FH: variants seen among roughly 807,000 people sequenced by gnomAD.
FH encodes fumarate hydratase.
A neutral mutation model predicts 49.4 loss-of-function variants in FH; 22 were observed. That is an observed-to-expected ratio of 0.45 (90% confidence interval 0.32 to 0.64). The LOEUF (loss-of-function observed/expected upper bound fraction) is 0.64, where lower values mean the gene tolerates loss of function less well. Ranked by LOEUF, FH falls within the 30% of genes least tolerant of loss-of-function variation. FH has a pLI of 0.05. For synonymous variants in FH, 208 were observed against 223.0 expected, an observed-to-expected ratio of 0.93 and a Z score of 0.60; for missense variants, 526 against 641.5, an observed-to-expected ratio of 0.82 and a Z score of 1.95.
chr1:241,510,310 C>G (rs145876604), intron 4 of FH, among the ~76,000 whole-genome samples: 7 of 152,224 alleles, frequency 4.6e-5, no homozygotes, highest in Non-Finnish European at 7.4e-5. Flanking sequence ...CTTAAAGTAC[C>G]AGGAAGTCGG....
chr1:241,515,716 T>C (rs1015424582), intron 2 of FH, among the ~76,000 whole-genome samples: 12 of 152,240 alleles, frequency 7.9e-5, no homozygotes, highest in Admixed American at 2.0e-4. Flanking sequence ...CTATCCTGCA[T>C]TGACTATTTT....
At chr1:241,507,490 G>C (rs190358472) in intron 5 of FH, among the ~76,000 whole-genome samples, 2 of 152,026 alleles carry the variant, frequency 1.3e-5, no homozygotes, top group African/African-American at 4.8e-5. Flanking sequence ...AGGGAACAAT[G>C]CACGAACTCA....
chr1:241,518,823 C>G (rs984065897), intron 1 of FH, among the ~76,000 whole-genome samples: 6 of 152,190 alleles, frequency 3.9e-5, no homozygotes, highest in Non-Finnish European at 7.3e-5. Flanking sequence ...AGCAAAATGA[C>G]TTACGTAAGC....
chr1:241,500,565 C>G lies in FH; in HGVS notation c.1262G>C (p.Arg421Thr), dbSNP rs1659747962. The G allele has an allele frequency of 6.2e-7, 1 of 1,608,580 alleles. No homozygotes were observed. Among genetic ancestry groups the G allele is most frequent in the Non-Finnish European group, 8.5e-7 (1 of 1,178,738 alleles). ...MMIKNVLHSARLLGDASVSFT... is the reference protein window; with the variant it reads ...MMIKNVLHSATLLGDASVSFT... Reference sequence around the variant, plus strand: ...GGAAACTGAAGCATCCCCCAGCAGCCTGGCTGAGTGTAACACATTTTTAAT... The same window carrying G: ...GGAAACTGAAGCATCCCCCAGCAGCGTGGCTGAGTGTAACACATTTTTAAT... The change falls in exon 9 of 10, where the codon AGG (arginine) becomes ACG (threonine). Residue 421 changes from arginine to threonine, a missense_variant. By Grantham distance (71) the Arg-to-Thr change is moderately conservative. Around this residue, in one of 2 missense-constraint regions of FH, gnomAD observed 383 missense variants for 514.0 expected, o/e 0.75. Coordinates refer to ENST00000366560, the MANE Select transcript of FH (RefSeq NM_000143.4).
intron 9 of FH, among the ~76,000 whole-genome samples, chr1:241,498,395 G>A (rs1294894229): frequency 2.0e-5 from 3 of 151,900 alleles, no homozygotes; most frequent in Non-Finnish European, 2.9e-5. Flanking sequence ...AGCACTGCAC[G>A]TCTGGCAACT....
At chr1:241,514,624 T>C (rs188086431) in intron 2 of FH, among the ~76,000 whole-genome samples, 228 of 152,114 alleles carry the variant, frequency 1.5e-3, no homozygotes, top group African/African-American at 5.4e-3. Flanking sequence ...CTGCTATCTC[T>C]GGAATCAAAG....
rs876658186 is a variant in FH, at chr1:241,519,603, G to C, written c.120C>G (p.Asn40Lys). The C allele has an allele frequency of 1.9e-6, 3 of 1,547,552 alleles. No individual in the cohort carries two copies. In the African/African-American group the frequency reaches 4.1e-5, roughly 21 times the overall value. ...GAAVPSFWPP[N>K]AARMASQNSF... ...GGCCTGCGCTCACCATTCGAGCCGC[G>C]TTCGGAGGCCAAAACGAGGGCACGG... Residue 40 changes from asparagine to lysine, a missense_variant, in exon 1 of 10, where the codon AAC (asparagine) becomes AAG (lysine). Physicochemically the swap from Asn to Lys is moderately conservative, Grantham distance 94. Coordinates refer to ENST00000366560, the MANE Select transcript of FH (RefSeq NM_000143.4).
At chr1:241,514,199 A>G (rs1412503701) in intron 2 of FH, among the ~76,000 whole-genome samples, 1 of 152,180 alleles carries the variant, frequency 6.6e-6, no homozygotes, top group Non-Finnish European at 1.5e-5. Context: ...TTTAACTGCC[A>G]ATCAGTATGA....
chr1:241,497,822 T>C lies in FH; in HGVS notation c.*6A>G. The C allele has an allele frequency of 6.3e-7, 1 of 1,586,344 alleles. No homozygotes were observed. The highest frequency in any genetic ancestry group is 8.6e-7 in the Non-Finnish European group (1 of 1,165,538). ...CATGTTTATTTTCATTATAAATTTA[T>C]GTAAATCACTTTGGACCCAGCATGT... On this transcript the variant is annotated 3_prime_UTR_variant, in exon 10 of 10. Transcript: ENST00000366560.
chr1:241,512,259 C>T (rs1186125255), intron 3 of FH, 116 bp from the exon 4 acceptor site: 3 of 817,122 alleles, frequency 3.7e-6, no homozygotes, highest in South Asian at 1.5e-5. Context: ...TCACTTGCTC[C>T]AACCACAGAT....
chr1:241,519,706 C>T lies in FH; in HGVS notation c.17G>A (p.Arg6Gln). Residue 6 changes from arginine to glutamine, a missense_variant, in exon 1 of 10, where the codon CGG becomes CAG. By Grantham distance (43) the Arg-to-Gln change is conservative. Coordinates refer to ENST00000366560, the MANE Select transcript of FH (RefSeq NM_000143.4). Reference sequence around the variant, plus strand: ...GAGGGGACGCGAGCGCGCGAGGAGCCGAAGTGCTCGGTACATGGTGCTGAG... The same window carrying T: ...GAGGGGACGCGAGCGCGCGAGGAGCTGAAGTGCTCGGTACATGGTGCTGAG... MYRAL[R>Q]LLARSRPLVR... is the part of the protein sequence containing the mutation. The T allele has an allele frequency of 6.5e-7, 1 of 1,546,856 alleles. No individual in the cohort carries two copies. The highest frequency in any genetic ancestry group is 8.7e-7 in the Non-Finnish European group (1 of 1,145,716).
At chr1:241,504,351 T>C in intron 6 of FH, 106 bp from the exon 7 acceptor site, 1 of 1,093,794 alleles carries the variant, frequency 9.1e-7, no homozygotes, top group South Asian at 1.5e-5. Context: ...AAATAAAAAT[T>C]TTACTTCAGA....
chr1:241,500,658 G>GT, intron 8 of FH, 68 bp from the exon 9 acceptor site: 1 of 1,480,970 alleles, frequency 6.8e-7, no homozygotes. Flanking sequence ...AAGGCAACAT[G>GT]TTTTTTGTCC....
intron 2 of FH, among the ~76,000 whole-genome samples, chr1:241,516,713 T>C (rs1221671335): frequency 1.3e-5 from 2 of 151,700 alleles, no homozygotes; most frequent in Non-Finnish European, 2.9e-5. Flanking sequence ...AGTGCAGTGG[T>C]GCGATCTCAG....
chr1:241,499,292 A>G (rs983581179), intron 9 of FH, among the ~76,000 whole-genome samples: 7 of 152,180 alleles, frequency 4.6e-5, no homozygotes, highest in East Asian at 1.9e-4. Context: ...TTATGTCACA[A>G]TAAGTTGATT....
intron 1 of FH, among the ~76,000 whole-genome samples, chr1:241,517,929 G>T (rs1306937815): frequency 6.6e-6 from 1 of 152,012 alleles, no homozygotes; most frequent in Non-Finnish European, 1.5e-5. Flanking sequence ...AATTATTCAT[G>T]TGTGATTTAT....
chr1:241,507,800 T>C (rs933974951), intron 5 of FH, among the ~76,000 whole-genome samples: 1 of 152,100 alleles, frequency 6.6e-6, no homozygotes, highest in Non-Finnish European at 1.5e-5. Flanking sequence ...ATCCAGTGAG[T>C]TCAATTTAGT....
intron 4 of FH, 189 bp downstream of exon 4, chr1:241,511,778 T>A (rs1012701955): frequency 2.1e-5 from 12 of 580,208 alleles, no homozygotes; most frequent in Non-Finnish European, 3.0e-5. Flanking sequence ...AATTCAGGTG[T>A]CCTAAAAATA....
intron 5 of FH, among the ~76,000 whole-genome samples, chr1:241,508,209 G>A (rs1475603856): frequency 2.6e-5 from 4 of 152,182 alleles, no homozygotes; most frequent in African/African-American, 9.7e-5. Flanking sequence ...GGTACTTACT[G>A]TGTGCCAGGC....
Sources: gnomAD v4.1 joint callset for allele counts (sites outside exome capture counted in the v4.1 genomes callset) on GRCh38, gnomAD v4.1.1 for gene constraint, gnomAD v4.1.1 regional missense constraint, MANE v1.5 for transcripts, NCBI Gene and HGNC (gene_info 2026-07-23, HGNC 2026-07-21) for gene names.